The following ICAM1 variants were observed in gnomAD, a reference collection of about 807,000 sequenced individuals.
The protein encoded by ICAM1 is intercellular adhesion molecule 1.
Under a neutral mutation model 42.3 loss-of-function variants are expected in ICAM1, and 28 were observed. The ratio of observed to expected loss-of-function variants is 0.66; its 90% confidence interval spans 0.49 to 0.91. The LOEUF is 0.91. Ranked by LOEUF, ICAM1 falls within the 40% of genes least tolerant of loss-of-function variation. The pLI is 0.00. For synonymous variants in ICAM1, 304 were observed against 305.9 expected (o/e 0.99, Z 0.07); for missense variants, 637 against 688.6 (o/e 0.93, Z 0.84).
intron 2 of ICAM1, among the ~76,000 whole-genome samples, chr19:10,281,110 T>G (rs2040054323): frequency 6.6e-6 from 1 of 151,798 alleles, no homozygotes; most frequent in Non-Finnish European, 1.5e-5. Context: ...CCTGACCTCG[T>G]GATCCGCCCG....
At chr19:10,279,711 T>G (rs533571209) in intron 2 of ICAM1, among the ~76,000 whole-genome samples, 148 of 152,144 alleles carry the variant, frequency 9.7e-4, no homozygotes, top group African/African-American at 3.4e-3. Context: ...CTTGAACGCC[T>G]GACCGCAAGA....
intron 2 of ICAM1, among the ~76,000 whole-genome samples, chr19:10,278,118 G>T (rs5030393): frequency 0.021 from 3,187 of 152,266 alleles, 36 homozygotes; most frequent in Non-Finnish European, 0.029. Context: ...GATCACCTGA[G>T]CCTGGGAGGT....
chr19:10,275,150 G>GACC, intron 2 of ICAM1, 122 bp downstream of exon 2: 1 of 981,024 alleles, frequency 1.0e-6, no homozygotes, highest in Non-Finnish European at 1.5e-6. Context: ...GGGGCTCCTT[G>GACC]CAGGGCAGGT....
chr19:10,274,984 G>A lies in ICAM1; in HGVS notation c.287G>A (p.Cys96Tyr). 6.2e-7 allele frequency: 1 copy of A among 1,614,148 alleles called. No individual in the cohort carries two copies. The highest frequency in any genetic ancestry group is 8.5e-7 in the Non-Finnish European group (1 of 1,180,044). ...AGCCAACCAATGTGCTATTCAAACTGCCCTGATGGGCAGTCAACAGCTAAA... is the reference window on the plus strand; with the variant it reads ...AGCCAACCAATGTGCTATTCAAACTACCCTGATGGGCAGTCAACAGCTAAA... ...EDSQPMCYSNCPDGQSTAKTF... is the reference protein window; with the variant it reads ...EDSQPMCYSNYPDGQSTAKTF... Residue 96 changes from cysteine (C) to tyrosine (Y), a missense_variant, in exon 2 of 7, where the codon TGC becomes TAC. Transcript: ENST00000264832.
Position 10,283,393 on chromosome 19 carries a change from G to T in ICAM1, c.332-88G>T, listed in dbSNP as rs1450344459. ...GCGTGTTTGGGGGAGATACTGAAGA[G>T]GTAGGGCTCCCAGGCAGGTGCAGTT... On this transcript the variant is annotated intron_variant, in intron 2 of 6. Coordinates refer to ENST00000264832, the MANE Select transcript of ICAM1 (RefSeq NM_000201.3). 11 of 1,328,194 alleles carry T rather than the reference G, an allele frequency of 8.3e-6. No individual in the cohort carries two copies. The Admixed American group carries it at 1.8e-4, about 22-fold the overall frequency. The allele number at this position is 1,328,194 out of a possible 1,614,324, so 82.3% of individuals were successfully genotyped here. A position where few individuals can be genotyped will look rare whatever the true frequency, so the allele number is the denominator to read the frequency against.
At chr19:10,280,118 G>T (rs2040045538) in intron 2 of ICAM1, among the ~76,000 whole-genome samples, 6 of 152,174 alleles carry the variant, frequency 3.9e-5, no homozygotes, top group Non-Finnish European at 1.5e-5. Context: ...ACAAGTATTT[G>T]AATACTTCAG....
chr19:10,285,016 G>T lies in ICAM1; in HGVS notation c.1414G>T (p.Val472Leu). The T allele has an allele frequency of 1.2e-6, 2 of 1,613,740 alleles. No homozygotes were observed. Among genetic ancestry groups the T allele is most frequent in the Non-Finnish European group, 1.7e-6 (2 of 1,179,934 alleles). ...TQGEVTRKVT[V>L]NVLSPRYEIV... ...AGGGGAGGTCACCCGCAAGGTGACC[G>T]TGAATGTGCTCTGTGAGTGAGCCGG... The change falls in exon 6 of 7, where the codon GTG becomes TTG. Residue 472 changes from valine to leucine, a missense_variant. Physicochemically the swap from Val to Leu is conservative, Grantham distance 32. Transcript: ENST00000264832.
chr19:10,283,705 T>G lies in ICAM1; in HGVS notation c.556T>G (p.Cys186Gly). The G allele has an allele frequency of 6.2e-7, 1 of 1,613,934 alleles. No homozygotes were observed. Among genetic ancestry groups the G allele is most frequent in the Non-Finnish European group, 8.5e-7 (1 of 1,179,940 alleles). ...RRDHHGANFS[C>G]RTELDLRPQG... is the part of the protein sequence containing the mutation. ...AGATCACCATGGAGCCAATTTCTCGTGCCGCACTGAACTGGACCTGCGGCC... is the reference window on the plus strand; with the variant it reads ...AGATCACCATGGAGCCAATTTCTCGGGCCGCACTGAACTGGACCTGCGGCC... Residue 186 changes from cysteine to glycine, a missense_variant, in exon 3 of 7, where the codon TGC becomes GGC. Transcript: ENST00000264832.
At chr19:10,275,705 CTTTTT>C (rs568025125) in intron 2 of ICAM1, among the ~76,000 whole-genome samples, 2 of 109,274 alleles carry the variant, frequency 1.8e-5, no homozygotes, top group Admixed American at 9.1e-5. Context: ...CTGTTTCTTT[CTTTTT>C]TTTTTTTTTT....
In ICAM1 at chr19:10,285,573, G is replaced by A. The variant is rs2040097936; in HGVS notation, c.*286G>A. 1 of 378,974 alleles carries A rather than the reference G, an allele frequency of 2.6e-6. No individual in the cohort carries two copies. Among genetic ancestry groups the A allele is most frequent in the East Asian group, 4.7e-5 (1 of 21,366 alleles). 23.5% of individuals were successfully genotyped at this position (378,974 alleles called of 1,614,324 possible). A position where few individuals can be genotyped will look rare whatever the true frequency, so the allele number is the denominator to read the frequency against. Reference sequence around the variant, plus strand: ...GATGTTAAAGTCTAGCCTGATGAGAGGGGAAGTGGTGGGGGAGACATAGCC... The same window carrying A: ...GATGTTAAAGTCTAGCCTGATGAGAAGGGAAGTGGTGGGGGAGACATAGCC... On this transcript the variant is annotated 3_prime_UTR_variant, in exon 7 of 7. Transcript: ENST00000264832.
At position 10,285,249 on chromosome 19, in the gene ICAM1, A is replaced by G. The variant is rs577755211; in HGVS notation, c.1561A>G (p.Thr521Ala). The change falls in exon 7 of 7, where the codon ACC (threonine) becomes GCC (alanine). Residue 521 changes from threonine to alanine, a missense_variant. By Grantham distance (58) the Thr-to-Ala change is moderately conservative. Transcript: ENST00000264832. ...KYRLQQAQKG[T>A]PMKPNTQATP... is the part of the protein sequence containing the mutation. ...CAGACTACAACAGGCCCAAAAAGGG[A>G]CCCCCATGAAACCGAACACACAAGC... 1 of 1,613,894 alleles carries G rather than the reference A, an allele frequency of 6.2e-7. No homozygotes were observed. Among genetic ancestry groups the G allele is most frequent in the South Asian group, 1.1e-5 (1 of 91,060 alleles).
At chr19:10,275,875 T>G (rs1232479715) in intron 2 of ICAM1, among the ~76,000 whole-genome samples, 2 of 151,392 alleles carry the variant, frequency 1.3e-5, no homozygotes, top group East Asian at 4.0e-4. Context: ...GCCCGGCTCA[T>G]TTTTTTGTAT....
chr19:10,281,017 G>A (rs945378117), intron 2 of ICAM1, among the ~76,000 whole-genome samples: 4 of 150,798 alleles, frequency 2.7e-5, no homozygotes, highest in African/African-American at 9.8e-5. Flanking sequence ...GGGACTACAG[G>A]CGCCCACCAC....
In ICAM1 at chr19:10,271,148, C is replaced by T. The variant is rs761162864; in HGVS notation, c.-12C>T. 4 of 1,612,172 alleles carry T rather than the reference C, an allele frequency of 2.5e-6. No individual in the cohort carries two copies. The highest frequency in any genetic ancestry group is 1.7e-5 in the Admixed American group (1 of 59,894). ...CTCCTCTGCTACTCAGAGTTGCAAC[C>T]TCAGCCTCGCTATGGCTCCCAGCAG... On this transcript the variant is annotated 5_prime_UTR_variant, in exon 1 of 7. Transcript: ENST00000264832.
In ICAM1 at chr19:10,276,742, G is replaced by A. The variant is rs930240640; in HGVS notation, c.331+1714G>A. On this transcript the variant is annotated intron_variant, in intron 2 of 6. Transcript: ENST00000264832. ...ATCCCAGCACTTTGGGAGGCTGAGGGAGGCGGATCACTTGAGGTCAGGAGT... is the reference window on the plus strand; with the variant it reads ...ATCCCAGCACTTTGGGAGGCTGAGGAAGGCGGATCACTTGAGGTCAGGAGT... Among the ~76,000 whole-genome samples the A allele has an allele frequency of 4.6e-5, 7 of 151,536 alleles. No homozygotes were observed. In the East Asian group the frequency reaches 9.7e-4, roughly 21 times the overall value.
intron 2 of ICAM1, among the ~76,000 whole-genome samples, chr19:10,277,458 G>A (rs540839227): frequency 2.7e-5 from 4 of 149,100 alleles, no homozygotes; most frequent in East Asian, 4.0e-4. Context: ...GGATTACAAC[G>A]TGAGCCACTT....
chr19:10,281,524 TA>T (rs2040059010), intron 2 of ICAM1, among the ~76,000 whole-genome samples: 1 of 152,138 alleles, frequency 6.6e-6, no homozygotes, highest in Non-Finnish European at 1.5e-5. Context: ...AATCTAATTT[TA>T]AAATATTTCA....
chr19:10,283,158 C>G (rs573343168), intron 2 of ICAM1: 1 of 223,088 alleles, frequency 4.5e-6, no homozygotes, highest in Non-Finnish European at 8.7e-6. Context: ...GAGCCAAGAT[C>G]GAGCCACTGT....
intron 2 of ICAM1, among the ~76,000 whole-genome samples, chr19:10,281,849 G>A (rs967510637): frequency 6.7e-6 from 1 of 149,066 alleles, no homozygotes; most frequent in Admixed American, 6.8e-5. Flanking sequence ...TTCCTCACAA[G>A]TAAACCTCAG....
Sources: gnomAD v4.1 joint callset for allele counts (sites outside exome capture counted in the v4.1 genomes callset) on GRCh38, gnomAD v4.1.1 for gene constraint, MANE v1.5 for transcripts, NCBI Gene and HGNC (gene_info 2026-07-23, HGNC 2026-07-21) for gene names.